SLC28A3: variants seen among roughly 807,000 people sequenced by gnomAD.
SLC28A3 encodes solute carrier family 28 member 3.
SLC28A3 carries 68 observed loss-of-function variants against 84.2 expected under a neutral mutation model. The observed-to-expected ratio is 0.81, with a 90% CI of 0.66 to 0.99. The LOEUF is 0.99. Ranked by LOEUF, SLC28A3 falls within the 50% of genes least tolerant of loss-of-function variation. SLC28A3 has a pLI of 0.00. For synonymous variants in SLC28A3, 267 were observed against 303.6 expected (o/e 0.88, Z 1.25); for missense variants, 712 against 841.5 (o/e 0.85, Z 1.90).
At chr9:84,320,049 T>G (rs1043749948) in intron 1 of SLC28A3, among the ~76,000 whole-genome samples, 1 of 130,256 alleles carries the variant, frequency 7.7e-6, no homozygotes, top group South Asian at 2.7e-4. Context: ...TGTTTTTTTT[T>G]TTTTTTTTTT....
At chr9:84,305,056 C>T (rs563491923) in intron 4 of SLC28A3, among the ~76,000 whole-genome samples, 198 bp downstream of exon 4, 4 of 152,184 alleles carry the variant, frequency 2.6e-5, no homozygotes, top group South Asian at 2.1e-4. Context: ...GCCTCATAAA[C>T]GGGGTAGGGA....
rs749638656 is a variant in SLC28A3 at position 84,285,521 on chromosome 9, T to G, written c.1471A>C (p.Met491Leu). 1 of 1,613,980 alleles carries G rather than the reference T, an allele frequency of 6.2e-7. No individual in the cohort carries two copies. The highest frequency in any genetic ancestry group is 1.3e-5 in the African/African-American group (1 of 74,908). The stretch of plus-strand genomic sequence containing the variant: ...ACTCCCATCATGAAGGAAAAGGGCA[T>G]GAAGATGTAGGAGCAGATTAGCTAC... Reference protein sequence around the residue: ...SFELICSYIFMPFSFMMGVEW... With the variant: ...SFELICSYIFLPFSFMMGVEW... The change falls in exon 14 of 18, where the codon ATG becomes CTG. Residue 491 changes from methionine to leucine, a missense_variant. Met to Leu is a conservative substitution (Grantham distance 15). Coordinates refer to ENST00000376238, the MANE Select transcript of SLC28A3 (RefSeq NM_001199633.2).
At chr9:84,317,436 T>C (rs1458609609) in intron 1 of SLC28A3, among the ~76,000 whole-genome samples, 2 of 152,196 alleles carry the variant, frequency 1.3e-5, no homozygotes, top group African/African-American at 4.8e-5. Context: ...ACGCTGGTTT[T>C]AAGTGGAATA....
chr9:84,364,047 T>A, the SLC28A3 span, among the ~76,000 whole-genome samples: 1 of 151,770 alleles, frequency 6.6e-6, no homozygotes, highest in Admixed American at 6.6e-5. Flanking sequence ...TATGTAATAA[T>A]CACATCATGG....
intron 3 of SLC28A3, among the ~76,000 whole-genome samples, chr9:84,305,939 T>C (rs1449673140): frequency 6.6e-6 from 1 of 152,154 alleles, no homozygotes; most frequent in East Asian, 1.9e-4. Flanking sequence ...TCTGGAGTTG[T>C]TGGAATGTCT....
the SLC28A3 span, among the ~76,000 whole-genome samples, chr9:84,362,291 G>A: frequency 1.8e-4 from 27 of 152,210 alleles, no homozygotes; most frequent in Admixed American, 1.8e-3. Context: ...CACAAGTGGA[G>A]ATGCCAAGGA....
the SLC28A3 span, among the ~76,000 whole-genome samples, chr9:84,350,821 T>C: frequency 6.6e-6 from 1 of 152,152 alleles, no homozygotes; most frequent in Non-Finnish European, 1.5e-5. Context: ...CAAGCAATTC[T>C]TGTGCCTCAG....
chr9:84,330,040 A>G, intron 1 of SLC28A3, among the ~76,000 whole-genome samples: 1 of 152,168 alleles, frequency 6.6e-6, no homozygotes, highest in East Asian at 1.9e-4. Context: ...ACAACAAACT[A>G]AATCCAAAGT....
At position 84,276,010 on chromosome 9, in the gene SLC28A3, T is replaced by C. The variant is rs927474949; in HGVS notation, c.*2208A>G. ...ACACTTCAAACCTGGGAAATCATCC[T>C]ATGAATCTGCTCTGACCAATATGGT... On this transcript the variant is annotated 3_prime_UTR_variant, in exon 18 of 18. Coordinates refer to ENST00000376238, the MANE Select transcript of SLC28A3 (RefSeq NM_001199633.2). The C allele has an allele frequency of 6.6e-6, 1 of 152,218 alleles. No homozygotes were observed. Among genetic ancestry groups the C allele is most frequent in the African/African-American group, 2.4e-5 (1 of 41,452 alleles). 9.4% of individuals were successfully genotyped at this position (152,218 alleles called of 1,614,324 possible).
intron 5 of SLC28A3, among the ~76,000 whole-genome samples, chr9:84,301,970 A>T (rs535551244): frequency 6.6e-6 from 1 of 152,342 alleles, no homozygotes; most frequent in South Asian, 2.1e-4. Flanking sequence ...TACACTTGAC[A>T]TTAAGGCAGT....
rs541851453 is a variant in SLC28A3, at chr9:84,300,683, G to C, written c.525-958C>G. 1.2e-4 allele frequency among the ~76,000 whole-genome samples: 19 copies of C among 152,344 alleles called. No individual in the cohort carries two copies. In the East Asian group the frequency reaches 3.7e-3, roughly 29 times the overall value. On this transcript the variant is annotated intron_variant, in intron 5 of 17. Transcript: ENST00000376238. ...TCCTGCTCAGGGGGCCACCTGAAGG[G>C]AGAGGAGGTCCCTCAGAGAGAGGCT...
intron 4 of SLC28A3, among the ~76,000 whole-genome samples, chr9:84,303,509 G>A (rs200011426): frequency 1.8e-4 from 27 of 152,194 alleles, no homozygotes; most frequent in African/African-American, 5.3e-4. Flanking sequence ...TAGTAGAGAC[G>A]GGGTTTCACC....
rs112154531 is a variant in SLC28A3 at position 84,336,675 on chromosome 9, C to CAA, written c.60+3897_60+3898dup. On this transcript the variant is annotated intron_variant, in intron 1 of 17. Coordinates refer to ENST00000376238, the MANE Select transcript of SLC28A3 (RefSeq NM_001199633.2). Reference sequence around the variant, plus strand: ...TGGGTGACAGAGTGAGACCCTGTCTCAAAAAAAAAATCACAATTTGACTGC... The same window carrying CAA: ...TGGGTGACAGAGTGAGACCCTGTCTCAAAAAAAAAAAATCACAATTTGACTGC... Among the ~76,000 whole-genome samples the CAA allele has an allele frequency of 2.8e-3, 417 of 149,956 alleles. 1 individual carries two copies. Among genetic ancestry groups the CAA allele is most frequent in the African/African-American group, 9.8e-3 (402 of 40,898 alleles).
chr9:84,310,347 G>T, intron 2 of SLC28A3: 1 of 941,274 alleles, frequency 1.1e-6, no homozygotes, highest in Admixed American at 6.2e-5. Flanking sequence ...ATCTTTCTAG[G>T]TACAGTTTGA....
chr9:84,294,320 C>T lies in SLC28A3; in HGVS notation c.862-45G>A, dbSNP rs1825339034. On this transcript the variant is annotated intron_variant, in intron 8 of 17. Coordinates refer to ENST00000376238, the MANE Select transcript of SLC28A3 (RefSeq NM_001199633.2). ...CATGGATTAATGATGGGTCCAGCTG[C>T]ACCAGCAGGTTTTATATCAGGCCTC... 10 of 1,589,362 alleles carry T rather than the reference C, an allele frequency of 6.3e-6. No individual in the cohort carries two copies. The South Asian group carries it at 1.1e-4, about 18-fold the overall frequency.
chr9:84,306,921 GC>G (rs2118358903), intron 3 of SLC28A3, among the ~76,000 whole-genome samples: 1 of 144,222 alleles, frequency 6.9e-6, no homozygotes, highest in Non-Finnish European at 1.5e-5. Context: ...ACTTTGAGAG[GC>G]CAAAGTAGAA....
intron 11 of SLC28A3, among the ~76,000 whole-genome samples, chr9:84,288,571 A>G (rs188441870): frequency 1.1e-3 from 172 of 149,880 alleles, no homozygotes; most frequent in African/African-American, 4.0e-3. Context: ...TTTTTTTGAG[A>G]TGGAGTCTTG....
intron 1 of SLC28A3, among the ~76,000 whole-genome samples, chr9:84,326,035 G>A (rs535822473): frequency 9.9e-5 from 15 of 152,230 alleles, no homozygotes; most frequent in African/African-American, 3.6e-4. Context: ...CCAGAATCGT[G>A]GCTTTGAGTG....
intron 10 of SLC28A3, among the ~76,000 whole-genome samples, chr9:84,291,597 A>C (rs924610103): frequency 6.6e-6 from 1 of 152,102 alleles, no homozygotes; most frequent in African/African-American, 2.4e-5. Context: ...TGGCCTCCCA[A>C]GGTGTTGGGA....
Sources: allele counts gnomAD v4.1 joint callset (sites outside exome capture counted in the v4.1 genomes callset), GRCh38; gene constraint gnomAD v4.1.1; transcripts MANE v1.5; gene names NCBI Gene and HGNC (gene_info 2026-07-23, HGNC 2026-07-21).